HEATR4: variants seen among roughly 807,000 people sequenced by gnomAD.
HEATR4 encodes the protein HEAT repeat-containing protein 4.
In HEATR4, 95 loss-of-function variants were observed where a neutral mutation model predicts 108.8. The ratio of observed to expected loss-of-function variants is 0.87; its 90% CI spans 0.74 to 1.04. HEATR4 has a LOEUF of 1.04. Ranked by LOEUF, HEATR4 falls within the 50% of genes least tolerant of loss-of-function variation. The probability of loss-of-function intolerance (pLI) is 0.00; values close to 1 mark genes in which losing one functional copy is unlikely to be tolerated. For missense variants in HEATR4, 1,152 were observed against 1,253.8 expected (o/e 0.92, Z 1.23); for synonymous variants, 443 against 459.4 (o/e 0.96, Z 0.46).
chr14:73,537,564 C>T (rs549221388), intron 1 of HEATR4: 3 of 1,214,044 alleles, frequency 2.5e-6, no homozygotes, highest in Admixed American at 5.4e-5. Flanking sequence ...CTTTTCCAGG[C>T]CCACGCGCGC....
At chr14:73,621,761 C>CTTT in the HEATR4 span, among the ~76,000 whole-genome samples, 197 of 109,468 alleles carry the variant, frequency 1.8e-3, 1 homozygote, top group African/African-American at 4.1e-3. Flanking sequence ...TTCTTTCTTT[C>CTTT]TTTTTTTTTT....
intron 1 of HEATR4, among the ~76,000 whole-genome samples, chr14:73,548,681 C>T (rs1889273977): frequency 8.7e-6 from 1 of 114,494 alleles, no homozygotes; most frequent in African/African-American, 2.8e-5. Flanking sequence ...CAGATGGTCT[C>T]AGAGTTCTAT....
the HEATR4 span, among the ~76,000 whole-genome samples, chr14:73,578,886 C>T: frequency 4.6e-5 from 7 of 151,580 alleles, no homozygotes; most frequent in Non-Finnish European, 8.8e-5. Flanking sequence ...GAGATCAAGA[C>T]CATCCTGGCT....
the HEATR4 span, chr14:73,569,278 T>C: frequency 1.2e-6 from 2 of 1,613,886 alleles, no homozygotes; most frequent in Admixed American, 1.7e-5. Flanking sequence ...CCCCATTCAG[T>C]TGTTCTCAGG....
chr14:73,496,455 C>A, intron 15 of HEATR4, 146 bp downstream of exon 15: 1 of 593,258 alleles, frequency 1.7e-6, no homozygotes, highest in South Asian at 2.2e-5. Context: ...TTTGCATCTT[C>A]AAATGATGTG....
rs1889320341 is a variant in HEATR4, at chr14:73,551,342, T to A, written c.-152+7409A>T. Among the ~76,000 whole-genome samples, 2 of 114,842 alleles carry A rather than the reference T, an allele frequency of 1.7e-5. 1 individual carries two copies. Among genetic ancestry groups the A allele is most frequent in the Non-Finnish European group, 3.8e-5 (2 of 52,732 alleles). 75.3% of individuals were successfully genotyped at this position (114,842 alleles called of 152,430 possible). On this transcript the variant is annotated intron_variant, in intron 1 of 17. Transcript: ENST00000553558. ...GCTTTTCTCCCTCACCCACTAGGAA[T>A]GTCAGGTGGTGGTTGACAGTTATCA...
At chr14:73,560,257 A>G (rs1017063882), upstream of HEATR4, among the ~76,000 whole-genome samples, 9 of 152,100 alleles carry the variant, frequency 5.9e-5, no homozygotes, top group South Asian at 6.2e-4. Context: ...CTTGGTTCCA[A>G]GCAAGACTGC....
the HEATR4 span, among the ~76,000 whole-genome samples, chr14:73,583,095 G>A: frequency 3.3e-5 from 5 of 151,988 alleles, no homozygotes; most frequent in Admixed American, 2.0e-4. Context: ...TATAATCCCA[G>A]CACTTTGGGA....
intron 14 of HEATR4, among the ~76,000 whole-genome samples, chr14:73,497,007 T>C (rs903044713): frequency 1.3e-5 from 2 of 152,266 alleles, no homozygotes; most frequent in Admixed American, 6.5e-5. Context: ...GCGATTCTCC[T>C]GCCTCAGCCT....
At chr14:73,577,081 C>T in the HEATR4 span, among the ~76,000 whole-genome samples, 2 of 151,030 alleles carry the variant, frequency 1.3e-5, no homozygotes, top group African/African-American at 4.9e-5. Context: ...CACAGGCACA[C>T]ACCACCATGC....
chr14:73,563,561 C>A (rs1285811098), upstream of HEATR4, among the ~76,000 whole-genome samples: 1 of 152,036 alleles, frequency 6.6e-6, no homozygotes, highest in Non-Finnish European at 1.5e-5. Context: ...CGCCACTGCA[C>A]TCCAGCCTGG....
chr14:73,559,590 A>T (rs554419040), upstream of HEATR4, among the ~76,000 whole-genome samples: 4 of 151,918 alleles, frequency 2.6e-5, no homozygotes, highest in South Asian at 8.3e-4. Flanking sequence ...TTTAAAAAGA[A>T]AATCACCTGG....
chr14:73,498,337 TC>T lies in HEATR4; in HGVS notation c.2363del (p.Gly788AspfsTer6). 1 of 1,598,108 alleles carries T rather than the reference TC, an allele frequency of 6.3e-7. No individual in the cohort carries two copies. The highest frequency in any genetic ancestry group is 8.6e-7 in the Non-Finnish European group (1 of 1,168,694). ...KIKAFAIRAL[G>X]QIGQVSPELT... ...GCTCGGGACTTACTTGCCCAATCTG[TC>T]CCAAAGCTGCAGAGATTAGAGGGCA... On this transcript the variant is annotated frameshift_variant, in exon 14 of 18. Coordinates refer to ENST00000553558, the MANE Select transcript of HEATR4 (RefSeq NM_001220484.1). LOFTEE classifies it high-confidence loss of function.
chr14:73,479,390 C>G lies in HEATR4; in HGVS notation c.2845-548G>C, dbSNP rs554629989. On this transcript the variant is annotated intron_variant, in intron 17 of 17. Transcript: ENST00000553558. ...TCGGCCTCCCAAAGTGCTGGGATTACGGTGTCAGCCACTGCGCCCGGCGTT... is the reference window on the plus strand; with the variant it reads ...TCGGCCTCCCAAAGTGCTGGGATTAGGGTGTCAGCCACTGCGCCCGGCGTT... Among the ~76,000 whole-genome samples, 3 of 150,958 alleles carry G rather than the reference C, an allele frequency of 2.0e-5. No individual in the cohort carries two copies. The South Asian group carries it at 6.3e-4, about 32-fold the overall frequency.
chr14:73,593,324 T>TTTTC, the HEATR4 span, among the ~76,000 whole-genome samples: 1 of 146,014 alleles, frequency 6.8e-6, no homozygotes, highest in Non-Finnish European at 1.5e-5. Context: ...ATCTTTTTTC[T>TTTTC]TTTCTTTCTT....
At chr14:73,605,278 T>C in the HEATR4 span, among the ~76,000 whole-genome samples, 1 of 152,160 alleles carries the variant, frequency 6.6e-6, no homozygotes, top group Non-Finnish European at 1.5e-5. Flanking sequence ...CCATGCAAGA[T>C]TGAAACTGCC....
chr14:73,624,336 C>T, the HEATR4 span, among the ~76,000 whole-genome samples: 1 of 151,972 alleles, frequency 6.6e-6, no homozygotes, highest in African/African-American at 2.4e-5. Flanking sequence ...GCCATGTTGC[C>T]CAGGCTGGTC....
chr14:73,565,020 C>T, the HEATR4 span, among the ~76,000 whole-genome samples: 1 of 152,052 alleles, frequency 6.6e-6, no homozygotes, highest in Admixed American at 6.6e-5. Context: ...GATGTCTACA[C>T]TGATTTCATT....
At chr14:73,491,952 T>G in intron 17 of HEATR4, 3 of 1,613,920 alleles carry the variant, frequency 1.9e-6, no homozygotes, top group Non-Finnish European at 1.7e-6. Context: ...TGGCAGTTTT[T>G]GGCTGTGCTT....
Sources: allele counts gnomAD v4.1 joint callset (sites outside exome capture counted in the v4.1 genomes callset), GRCh38; gene constraint gnomAD v4.1.1; transcripts MANE v1.5; gene names NCBI Gene and HGNC (gene_info 2026-07-23, HGNC 2026-07-21).